Variants in PRR12 observed in about 807,000 individuals in gnomAD.
PRR12 encodes the protein proline rich 12, also known as proline-rich protein 12.
Under a neutral mutation model 138.0 loss-of-function variants are expected in PRR12, and 12 were observed. The ratio of observed to expected loss-of-function variants is 0.09; its 90% CI spans 0.06 to 0.14. The LOEUF is 0.14. Ranked by LOEUF, PRR12 falls within the 10% of genes least tolerant of loss-of-function variation. The pLI, the probability that PRR12 is intolerant of heterozygous loss-of-function variation, is 1.00. For synonymous variants in PRR12, 1,567 were observed against 1,291.7 expected (o/e 1.21, Z -4.57); for missense variants, 2,692 against 2,861.3 (o/e 0.94, Z 1.35).
chr19:49,596,958 G>A lies in PRR12; in HGVS notation c.2623G>A (p.Asp875Asn). The change falls in exon 4 of 14, where the codon GAT (aspartate) becomes AAT (asparagine). Residue 875 changes from aspartate to asparagine, a missense_variant. Physicochemically the swap from Asp to Asn is conservative, Grantham distance 23. Around this residue, in one of 11 missense-constraint regions of PRR12, gnomAD observed 840 missense variants for 689.8 expected, o/e 1.22. Transcript: ENST00000418929. This position sits in a 1 kb window ranked among gnomAD's most constrained non-coding sequence, Gnocchi z 5.6. The part of the protein sequence containing the change: ...SPRLRPEESL[D>N]PPGAMQELLG... ...CCGCCTGCGACCCGAGGAGAGCCTG[G>A]ATCCGCCAGGCGCCATGCAGGAATT... 1 of 1,552,068 alleles carries A rather than the reference G, an allele frequency of 6.4e-7. No homozygotes were observed.
chr19:49,617,104 C>T (rs959291266), intron 9 of PRR12, among the ~76,000 whole-genome samples: 1 of 148,030 alleles, frequency 6.8e-6, no homozygotes, highest in Admixed American at 6.8e-5. Context: ...GCACTCCAGC[C>T]TAGATGACAG....
chr19:49,595,111 A>G lies in PRR12; in HGVS notation c.776A>G (p.Glu259Gly). 6.2e-7 allele frequency: 1 copy of G among 1,611,516 alleles called. No individual in the cohort carries two copies. Among genetic ancestry groups the G allele is most frequent in the East Asian group, 2.2e-5 (1 of 44,806 alleles). Residue 259 changes from glutamate (E) to glycine (G), a missense_variant, in exon 4 of 14, where the codon GAG becomes GGG. Glu to Gly is a moderately conservative substitution (Grantham distance 98). Coordinates refer to ENST00000418929, the MANE Select transcript of PRR12 (RefSeq NM_020719.3). ...TCTTCCGCTGCCGCCGCCGCTGCCG[A>G]GCAGTCCTCCCCACAGCTCTATAAC... ...ASSSAAAAAAEQSSPQLYNFS... is the reference protein window; with the variant it reads ...ASSSAAAAAAGQSSPQLYNFS...
chr19:49,608,637 G>C (rs1469664574), intron 6 of PRR12, among the ~76,000 whole-genome samples: 1 of 151,966 alleles, frequency 6.6e-6, no homozygotes, highest in Non-Finnish European at 1.5e-5. Flanking sequence ...CCAAAGTACT[G>C]GGATTACAGG....
Position 49,596,669 on chromosome 19 carries a change from C to G in PRR12, c.2334C>G (p.Pro778=). The G allele has an allele frequency of 6.2e-7, 1 of 1,605,378 alleles. No homozygotes were observed. The highest frequency in any genetic ancestry group is 8.5e-7 in the Non-Finnish European group (1 of 1,178,348). Residue 778 remains proline, a synonymous_variant, in exon 4 of 14, where the codon CCC becomes CCG. Transcript: ENST00000418929. This position sits in a 1 kb window ranked among gnomAD's most constrained non-coding sequence, Gnocchi z 5.6. ...PPTAQSTQPT[P]HGLLLEAGGP... ...CGGCCCAGTCTACCCAGCCCACTCC[C>G]CATGGCCTCCTTCTGGAGGCCGGGG...
At chr19:49,620,612 C>A in intron 10 of PRR12, 135 bp downstream of exon 10, 1 of 1,301,944 alleles carries the variant, frequency 7.7e-7, no homozygotes. Context: ...GGAGCTGAGG[C>A]CTGGACCTGG....
In PRR12 at chr19:49,593,575, G is replaced by A. The variant is rs2080744232; in HGVS notation, c.199+136G>A. On this transcript the variant is annotated intron_variant, in intron 2 of 13. Coordinates refer to ENST00000418929, the MANE Select transcript of PRR12 (RefSeq NM_020719.3). ...GCCCGCCCCTTGCTGTGTCTCCTCT[G>A]ATTGGTTGCCTTTGAGGCTGCTGGT... 3 of 572,218 alleles carry A rather than the reference G, an allele frequency of 5.2e-6. No homozygotes were observed. The South Asian group carries it at 6.2e-5, about 12-fold the overall frequency. The allele number at this position is 572,218 out of a possible 1,614,324, so 35.4% of individuals were successfully genotyped here.
chr19:49,598,045 G>A, intron 4 of PRR12, 32 bp downstream of exon 4: 2 of 1,308,946 alleles, frequency 1.5e-6, no homozygotes, highest in Non-Finnish European at 1.9e-6. Flanking sequence ...TAGGGGATAG[G>A]GGAGGAGGAG....
At position 49,599,222 on chromosome 19, in the gene PRR12, C is replaced by G; in HGVS notation, c.3679-50C>G. 1 of 1,488,722 alleles carries G rather than the reference C, an allele frequency of 6.7e-7. No individual in the cohort carries two copies. Among genetic ancestry groups the G allele is most frequent in the Non-Finnish European group, 8.9e-7 (1 of 1,121,400 alleles). The allele number at this position is 1,488,722 out of a possible 1,614,324, so 92.2% of individuals were successfully genotyped here. On this transcript the variant is annotated intron_variant, in intron 4 of 13. Transcript: ENST00000418929. The surrounding 1 kb of genome is among the most constrained non-coding windows in gnomAD (Gnocchi z 5.0). The stretch of plus-strand genomic sequence containing the variant: ...TTTTGGGGGCTGAGGGAGGATGGGA[C>G]TGGGGGCCCAGGCTACTGGGCCCTC...
Position 49,594,008 on chromosome 19 carries a change from T to A in PRR12, c.200-446T>A, listed in dbSNP as rs1342528746. ...CCTTCCCTTTTTCCCTCCCCATCTT[T>A]TTTTCTGAACCCTCCCACTTAGCTC... is the stretch of plus-strand genomic sequence containing the variant. On this transcript the variant is annotated intron_variant, in intron 2 of 13. Coordinates refer to ENST00000418929, the MANE Select transcript of PRR12 (RefSeq NM_020719.3). The surrounding 1 kb of genome is among the most constrained non-coding windows in gnomAD (Gnocchi z 5.6). Among the ~76,000 whole-genome samples, 2 of 152,108 alleles carry A rather than the reference T, an allele frequency of 1.3e-5. No homozygotes were observed. The highest frequency in any genetic ancestry group is 4.8e-5 in the African/African-American group (2 of 41,406).
rs2080798559 is a variant in PRR12 at position 49,599,662 on chromosome 19, C to T, written c.4069C>T (p.Leu1357Phe). The change falls in exon 5 of 14, where the codon CTT becomes TTT. Residue 1357 changes from leucine (L) to phenylalanine (F), a missense_variant. Transcript: ENST00000418929. This position sits in a 1 kb window ranked among gnomAD's most constrained non-coding sequence, Gnocchi z 5.0. ...GGCTGCAGAGAGTGAGGGTCTGGGG[C>T]TTGGCTGCCCTTCACCCTGCAAGCG... ...LEAAESEGLG[L>F]GCPSPCKRLD... is the part of the protein sequence containing the mutation. The T allele has an allele frequency of 6.2e-7, 1 of 1,612,304 alleles. No individual in the cohort carries two copies. Among genetic ancestry groups the T allele is most frequent in the Non-Finnish European group, 8.5e-7 (1 of 1,178,912 alleles).
intron 6 of PRR12, among the ~76,000 whole-genome samples, chr19:49,603,264 G>C (rs192858284): frequency 6.6e-6 from 1 of 152,270 alleles, no homozygotes; most frequent in Non-Finnish European, 1.5e-5. Flanking sequence ...CGGCTGAGCA[G>C]GTGCTCAGGA....
At chr19:49,600,543 TTTGGGAGGCTGAGA>T (rs2080804567) in intron 5 of PRR12, among the ~76,000 whole-genome samples, 1 of 151,094 alleles carries the variant, frequency 6.6e-6, no homozygotes, top group South Asian at 2.1e-4. Flanking sequence ...CCTAGCACAC[TTTGGGAGGCTGAGA>T]CAGGAGGATC....
At chr19:49,620,075 A>G (rs1021933086) in intron 9 of PRR12, among the ~76,000 whole-genome samples, 1 of 147,374 alleles carries the variant, frequency 6.8e-6, no homozygotes, top group Non-Finnish European at 1.5e-5. Context: ...CTGGTATCAA[A>G]CTCCTGACCT....
At position 49,596,904 on chromosome 19, in the gene PRR12, C is replaced by A; in HGVS notation, c.2569C>A (p.His857Asn). Residue 857 changes from histidine (H) to asparagine (N), a missense_variant, in exon 4 of 14, where the codon CAT becomes AAT. This residue lies in a region of PRR12 where 840 missense variants were observed against 689.8 expected (regional missense o/e 1.22). Transcript: ENST00000418929. This position sits in a 1 kb window ranked among gnomAD's most constrained non-coding sequence, Gnocchi z 5.6. The stretch of plus-strand genomic sequence containing the variant: ...GCAGCTCGAGGCCCACCTCCGCAGC[C>A]ATGGCCTGGAGCCCGCGGCCCCCAG... ...PLQLEAHLRS[H>N]GLEPAAPSPR... The A allele has an allele frequency of 6.4e-7, 1 of 1,556,834 alleles. No homozygotes were observed. Among genetic ancestry groups the A allele is most frequent in the Non-Finnish European group, 8.6e-7 (1 of 1,158,578 alleles).
chr19:49,611,939 A>C (rs1015370211), intron 6 of PRR12, among the ~76,000 whole-genome samples: 1 of 140,484 alleles, frequency 7.1e-6, no homozygotes, highest in African/African-American at 2.7e-5. Context: ...AAAAAAAAAA[A>C]AAAAAAAAAC....
In PRR12 at chr19:49,597,832, G is replaced by T; in HGVS notation, c.3497G>T (p.Gly1166Val). 1.3e-6 allele frequency: 2 copies of T among 1,495,750 alleles called. No individual in the cohort carries two copies. Among genetic ancestry groups the T allele is most frequent in the Non-Finnish European group, 1.8e-6 (2 of 1,124,008 alleles). 92.7% of individuals were successfully genotyped at this position (1,495,750 alleles called of 1,614,324 possible). ...AAGCCCACGAAGGCGAAACGTGATGGGCCACCCCGGCCACGGGGGAGGCCC... is the reference window on the plus strand; with the variant it reads ...AAGCCCACGAAGGCGAAACGTGATGTGCCACCCCGGCCACGGGGGAGGCCC... ...GRKPTKAKRDGPPRPRGRPRI... is the reference protein window; with the variant it reads ...GRKPTKAKRDVPPRPRGRPRI... Residue 1166 changes from glycine (G) to valine (V), a missense_variant, in exon 4 of 14, where the codon GGG (glycine) becomes GTG (valine). By Grantham distance (109) the Gly-to-Val change is moderately radical. This residue lies in a region of PRR12 where 326 missense variants were observed against 344.2 expected (regional missense o/e 0.95). Transcript: ENST00000418929. This position sits in a 1 kb window ranked among gnomAD's most constrained non-coding sequence, Gnocchi z 6.3.
In PRR12 at chr19:49,594,803, C is replaced by T; in HGVS notation, c.468C>T (p.Ser156=). The T allele has an allele frequency of 1.9e-6, 3 of 1,612,674 alleles. No individual in the cohort carries two copies. Among genetic ancestry groups the T allele is most frequent in the Non-Finnish European group, 2.5e-6 (3 of 1,179,680 alleles). The change falls in exon 4 of 14, where the codon TCC becomes TCT. Residue 156 remains serine, a synonymous_variant. Coordinates refer to ENST00000418929, the MANE Select transcript of PRR12 (RefSeq NM_020719.3). This position sits in a 1 kb window ranked among gnomAD's most constrained non-coding sequence, Gnocchi z 5.6. The stretch of plus-strand genomic sequence containing the variant: ...TGTCGGCTTACCAACACCCGGCTTC[C>T]TTCGGCAGCCGCCCCTTCCCAGTGC... ...SALSAYQHPA[S]FGSRPFPVPS... is the part of the protein sequence containing the mutation.
At chr19:49,620,772 C>T (rs1160068896) in intron 10 of PRR12, among the ~76,000 whole-genome samples, 6 of 120,392 alleles carry the variant, frequency 5.0e-5, no homozygotes, top group South Asian at 3.1e-4. Flanking sequence ...GGAGGAAGGG[C>T]TGGGGGCCTG....
Position 49,599,630 on chromosome 19 carries a change from C to A in PRR12, c.4037C>A (p.Ala1346Asp). The A allele has an allele frequency of 6.2e-7, 1 of 1,606,526 alleles. No homozygotes were observed. Among genetic ancestry groups the A allele is most frequent in the Non-Finnish European group, 8.5e-7 (1 of 1,175,000 alleles). Residue 1346 changes from alanine to aspartate, a missense_variant, in exon 5 of 14, where the codon GCC becomes GAC. Ala to Asp is a moderately radical substitution (Grantham distance 126). This residue lies in a region of PRR12 where 326 missense variants were observed against 344.2 expected (regional missense o/e 0.95). Coordinates refer to ENST00000418929, the MANE Select transcript of PRR12 (RefSeq NM_020719.3). The surrounding 1 kb of genome is among the most constrained non-coding windows in gnomAD (Gnocchi z 5.0). ...PPSGAFGLGG[A>D]LEAAESEGLG... ...TCCGGAGCCTTTGGGCTTGGGGGCG[C>A]CCTGGAGGCTGCAGAGAGTGAGGGT...
Sources: allele counts gnomAD v4.1 joint callset (sites outside exome capture counted in the v4.1 genomes callset), GRCh38; gene constraint gnomAD v4.1.1; regional missense constraint gnomAD v4.1.1; non-coding constraint Gnocchi (gnomAD v3.1); transcripts MANE v1.5; gene names NCBI Gene and HGNC (gene_info 2026-07-23, HGNC 2026-07-21).